SORL1: variants seen among roughly 807,000 people sequenced by gnomAD.
SORL1 encodes sortilin-related receptor.
A neutral mutation model predicts 273.7 loss-of-function variants in SORL1; 127 were observed. That is an observed-to-expected ratio of 0.46 (90% confidence interval 0.40 to 0.54). The LOEUF (loss-of-function observed/expected upper bound fraction) is 0.54, where lower values mean the gene tolerates loss of function less well. Ranked by LOEUF, SORL1 falls within the 20% of genes least tolerant of loss-of-function variation. The probability of loss-of-function intolerance (pLI) is 0.00; values close to 1 mark genes in which losing one functional copy is unlikely to be tolerated. For missense variants in SORL1, 2,494 were observed against 2,846.1 expected (o/e 0.88, Z 2.81); for synonymous variants, 1,031 against 1,067.4 (o/e 0.97, Z 0.66).
chr11:121,515,960 C>T (rs545187485), intron 8 of SORL1, among the ~76,000 whole-genome samples: 4 of 152,100 alleles, frequency 2.6e-5, no homozygotes, highest in East Asian at 1.9e-4. Flanking sequence ...TCTTTTCCTT[C>T]GAAATGAGAT....
Position 121,550,526 on chromosome 11 carries a change from A to G in SORL1, c.2181-59A>G, listed in dbSNP as rs1262120610. 2.8e-6 allele frequency: 4 copies of G among 1,449,248 alleles called. No homozygotes were observed. Among genetic ancestry groups the G allele is most frequent in the Admixed American group, 1.7e-5 (1 of 59,398 alleles). The allele number at this position is 1,449,248 out of a possible 1,614,324, so 89.8% of individuals were successfully genotyped here. ...GGTAGTAAGTGTATTCCCAGCTGGGATGCCTTTGTGGCTATTCTTCCATGT... is the reference window on the plus strand; with the variant it reads ...GGTAGTAAGTGTATTCCCAGCTGGGGTGCCTTTGTGGCTATTCTTCCATGT... On this transcript the variant is annotated intron_variant, in intron 15 of 47. Coordinates refer to ENST00000260197, the MANE Select transcript of SORL1 (RefSeq NM_003105.6). The surrounding 1 kb of genome is among the most constrained non-coding windows in gnomAD (Gnocchi z 5.3).
chr11:121,483,942 G>C (rs912108137), intron 3 of SORL1, among the ~76,000 whole-genome samples: 1 of 152,062 alleles, frequency 6.6e-6, no homozygotes, highest in Non-Finnish European at 1.5e-5. Context: ...AGTAAGTAGA[G>C]GAGAGCTGTC....
At chr11:121,526,986 T>C (rs1565325026) in intron 11 of SORL1, among the ~76,000 whole-genome samples, 1 of 152,044 alleles carries the variant, frequency 6.6e-6, no homozygotes, top group Non-Finnish European at 1.5e-5. Flanking sequence ...CCTCCTTTCC[T>C]CCATTTTCTC....
At chr11:121,521,637 T>C (rs749871169) in intron 9 of SORL1, among the ~76,000 whole-genome samples, 24 of 152,214 alleles carry the variant, frequency 1.6e-4, no homozygotes, top group Non-Finnish European at 3.1e-4. Context: ...ATGAATAGAC[T>C]TCCTTGCAGG....
intron 5 of SORL1, among the ~76,000 whole-genome samples, chr11:121,493,091 A>G (rs1372566816): frequency 6.6e-6 from 1 of 151,742 alleles, no homozygotes; most frequent in Non-Finnish European, 1.5e-5. Flanking sequence ...TGATCCTCCC[A>G]CCTCACCCTC....
chr11:121,567,113 G>T lies in SORL1; in HGVS notation c.3223G>T (p.Glu1075Ter). 6.2e-7 allele frequency: 1 copy of T among 1,608,798 alleles called. No homozygotes were observed. Among genetic ancestry groups the T allele is most frequent in the South Asian group, 1.1e-5 (1 of 90,234 alleles). The stretch of plus-strand genomic sequence containing the variant: ...CAAGAACAATACCTGTGTCAAACAA[G>T]GTACTTCCCTTTTTCTTTTTTGCCT... The part of the protein sequence containing the change: ...QLKNNTCVKQ[E>*]NTCLRNQYRC... Residue 1075 changes from glutamate (E) to a stop codon, truncating the protein, a stop_gained and splice_region_variant, in exon 22 of 48, where the codon GAG (glutamate) becomes TAG (stop). Transcript: ENST00000260197. LOFTEE classifies it high-confidence loss of function.
chr11:121,532,784 G>A lies in SORL1; in HGVS notation c.1685+232G>A, dbSNP rs186063524. On this transcript the variant is annotated intron_variant, in intron 12 of 47. Coordinates refer to ENST00000260197, the MANE Select transcript of SORL1 (RefSeq NM_003105.6). ...CACTGCAACCTCCACCTCCTGGGTTGAAGCGATTCTCCTGCCTCAGCCTCC... is the reference window on the plus strand; with the variant it reads ...CACTGCAACCTCCACCTCCTGGGTTAAAGCGATTCTCCTGCCTCAGCCTCC... Among the ~76,000 whole-genome samples the A allele has an allele frequency of 1.1e-3, 167 of 151,392 alleles. 1 individual carries two copies. Among genetic ancestry groups the A allele is most frequent in the African/African-American group, 4.1e-3 (167 of 41,208 alleles).
At chr11:121,571,725 A>G (rs556050485) in intron 23 of SORL1, among the ~76,000 whole-genome samples, 5 of 152,308 alleles carry the variant, frequency 3.3e-5, no homozygotes, top group African/African-American at 1.2e-4. Context: ...CTGCAATCCT[A>G]TAGACTCCCC....
intron 14 of SORL1, among the ~76,000 whole-genome samples, chr11:121,547,963 C>CA (rs1862458378): frequency 1.3e-5 from 2 of 152,146 alleles, no homozygotes; most frequent in South Asian, 4.1e-4. Flanking sequence ...CTGGGAAGCC[C>CA]AGCTATTGGC....
chr11:121,494,815 G>T (rs117490146), intron 5 of SORL1, among the ~76,000 whole-genome samples: 2,775 of 152,184 alleles, frequency 0.018, 49 homozygotes, highest in Middle Eastern at 0.034. Context: ...CTCAATAAAG[G>T]TTCCTTCCTC....
chr11:121,478,477 A>G (rs1245586897), intron 3 of SORL1, among the ~76,000 whole-genome samples: 1 of 152,210 alleles, frequency 6.6e-6, no homozygotes, highest in African/African-American at 2.4e-5. Flanking sequence ...TAGACAAACA[A>G]TGACAGGTTA....
intron 3 of SORL1, among the ~76,000 whole-genome samples, chr11:121,483,339 G>A (rs758900434): frequency 7.3e-4 from 111 of 152,174 alleles, no homozygotes; most frequent in Middle Eastern, 3.2e-3. Flanking sequence ...CTTTTTCCAG[G>A]CAGAGGTTGG....
intron 21 of SORL1, among the ~76,000 whole-genome samples, chr11:121,561,266 T>C (rs1227761241): frequency 6.6e-6 from 1 of 152,146 alleles, no homozygotes; most frequent in African/African-American, 2.4e-5. Flanking sequence ...TACTTCCCAG[T>C]CTTGACTGTC....
chr11:121,539,405 G>A (rs1862312638), intron 12 of SORL1, among the ~76,000 whole-genome samples: 1 of 152,126 alleles, frequency 6.6e-6, no homozygotes, highest in South Asian at 2.1e-4. Flanking sequence ...GGAAATAAAA[G>A]TATTTTCCCT....
chr11:121,488,984 A>G (rs1030563805), intron 4 of SORL1, among the ~76,000 whole-genome samples: 8 of 151,888 alleles, frequency 5.3e-5, no homozygotes, highest in African/African-American at 1.9e-4. Flanking sequence ...GCGGAGGGGG[A>G]ATTATTGTTA....
chr11:121,619,833 C>G lies in SORL1; in HGVS notation c.5805C>G (p.Pro1935=). The change falls in exon 43 of 48, where the codon CCC becomes CCG. Residue 1935 remains proline (P), a synonymous_variant. Transcript: ENST00000260197. ...VKMIPDSRLP[P]RHLHVVHTGK... is the part of the protein sequence containing the mutation. ...TGATCCCGGACAGCAGGCTTCCACC[C>G]CGTCACCTGCATGTGGTTCATACGG... The G allele has an allele frequency of 6.8e-6, 11 of 1,613,788 alleles. No individual in the cohort carries two copies. The highest frequency in any genetic ancestry group is 8.5e-6 in the Non-Finnish European group (10 of 1,179,638).
At chr11:121,541,406 CATT>C (rs906944231) in intron 12 of SORL1, among the ~76,000 whole-genome samples, 3 of 152,108 alleles carry the variant, frequency 2.0e-5, no homozygotes, top group African/African-American at 7.2e-5. Context: ...ATGTGGTTCT[CATT>C]ATGTTTCTCA....
rs1442785887 is a variant in SORL1 at position 121,631,557 on chromosome 11, C to T, written c.*1994C>T. The T allele has an allele frequency of 6.6e-6, 1 of 152,034 alleles. No homozygotes were observed. Among genetic ancestry groups the T allele is most frequent in the Non-Finnish European group, 1.5e-5 (1 of 68,002 alleles). 9.4% of individuals were successfully genotyped at this position (152,034 alleles called of 1,614,324 possible). A position where few individuals can be genotyped will look rare whatever the true frequency, so the allele number is the denominator to read the frequency against. On this transcript the variant is annotated 3_prime_UTR_variant, in exon 48 of 48. Transcript: ENST00000260197. ...AGTGTATTTTCTTTTCTTTTTCTGC[C>T]AACTTTTTGGTGGCATTTGTAAAAG...
Position 121,452,384 on chromosome 11 carries a change from T to A in SORL1, c.53T>A (p.Leu18Gln). 1 of 1,548,822 alleles carries A rather than the reference T, an allele frequency of 6.5e-7. No individual in the cohort carries two copies. The highest frequency in any genetic ancestry group is 8.7e-7 in the Non-Finnish European group (1 of 1,152,076). ...TCGCGACTCCCGTTCCTATTCACCC[T>A]GGTCGCACTGCTGCCGCCCGGAGCT... ...RESRLPFLFT[L>Q]VALLPPGALC... is the part of the protein sequence containing the mutation. Residue 18 changes from leucine (L) to glutamine (Q), a missense_variant, in exon 1 of 48, where the codon CTG (leucine) becomes CAG (glutamine). Physicochemically the swap from Leu to Gln is moderately radical, Grantham distance 113. Transcript: ENST00000260197. This position sits in a 1 kb window ranked among gnomAD's most constrained non-coding sequence, Gnocchi z 5.3.
Sources: allele counts gnomAD v4.1 joint callset (sites outside exome capture counted in the v4.1 genomes callset), GRCh38; gene constraint gnomAD v4.1.1; non-coding constraint Gnocchi (gnomAD v3.1); transcripts MANE v1.5; gene names NCBI Gene and HGNC (gene_info 2026-07-23, HGNC 2026-07-21).